CEP112: variants seen among roughly 807,000 people sequenced by gnomAD.
CEP112 encodes the protein centrosomal protein of 112 kDa.
A neutral mutation model predicts 153.0 loss-of-function variants in CEP112; 127 were observed. The ratio of observed to expected loss-of-function variants is 0.83; its 90% CI spans 0.72 to 0.96. The LOEUF is 0.96. Ranked by LOEUF, CEP112 falls within the 40% of genes least tolerant of loss-of-function variation. The pLI is 0.00. For synonymous variants in CEP112, 358 were observed against 374.4 expected, an observed-to-expected ratio of 0.96 and a Z score of 0.51; for missense variants, 1,089 against 1,101.2, an observed-to-expected ratio of 0.99 and a Z score of 0.16.
At chr17:65,989,324 G>A (rs890966849) in intron 17 of CEP112, among the ~76,000 whole-genome samples, 2 of 151,640 alleles carry the variant, frequency 1.3e-5, no homozygotes, top group Non-Finnish European at 2.9e-5. Context: ...TAAACATTGG[G>A]CACTCAAAGG....
intron 17 of CEP112, among the ~76,000 whole-genome samples, chr17:65,962,906 A>C (rs2062265233): frequency 6.6e-6 from 1 of 152,234 alleles, no homozygotes; most frequent in Admixed American, 6.5e-5. Flanking sequence ...GAAAATTGCC[A>C]AGTCTCCAGT....
At chr17:66,174,527 A>G (rs1007702904) in intron 4 of CEP112, among the ~76,000 whole-genome samples, 8 of 152,330 alleles carry the variant, frequency 5.3e-5, no homozygotes, top group African/African-American at 1.9e-4. Flanking sequence ...AAAATTTGAT[A>G]AAAGTCCAAA....
chr17:66,174,895 G>T, intron 4 of CEP112, 149 bp downstream of exon 4: 1 of 467,402 alleles, frequency 2.1e-6, no homozygotes, highest in Non-Finnish European at 3.5e-6. Context: ...CTATTAAATG[G>T]CTAAAAATAT....
At chr17:66,032,173 G>A (rs1316157269) in intron 12 of CEP112, among the ~76,000 whole-genome samples, 3 of 151,932 alleles carry the variant, frequency 2.0e-5, no homozygotes, top group African/African-American at 7.3e-5. Flanking sequence ...GCTAGTTTTT[G>A]TAATTTTAGT....
rs867971518 is a variant in CEP112 at position 65,932,482 on chromosome 17, T to G, written c.1873-4793A>C. Reference sequence around the variant, plus strand: ...ATATTCCTTCTAAGAAGATCACGGATGTATTAGTTTGTTCTTGCATTGCTA... The same window carrying G: ...ATATTCCTTCTAAGAAGATCACGGAGGTATTAGTTTGTTCTTGCATTGCTA... On this transcript the variant is annotated intron_variant, in intron 18 of 26. Coordinates refer to ENST00000535342, the MANE Select transcript of CEP112 (RefSeq NM_001199165.4). Among the ~76,000 whole-genome samples the G allele has an allele frequency of 2.6e-5, 4 of 152,104 alleles. No individual in the cohort carries two copies. The South Asian group carries it at 8.3e-4, about 32-fold the overall frequency.
At chr17:65,813,367 A>G (rs1161565180) in intron 21 of CEP112, among the ~76,000 whole-genome samples, 1 of 152,202 alleles carries the variant, frequency 6.6e-6, no homozygotes, top group African/African-American at 2.4e-5. Flanking sequence ...GGAATTAGGA[A>G]CCCAATCAGA....
intron 21 of CEP112, among the ~76,000 whole-genome samples, chr17:65,781,571 G>A (rs898249648): frequency 2.0e-5 from 3 of 151,876 alleles, no homozygotes; most frequent in African/African-American, 7.3e-5. Context: ...AAAGAACAAT[G>A]CTGGAGGGAT....
intron 12 of CEP112, among the ~76,000 whole-genome samples, chr17:66,037,132 A>C (rs184870548): frequency 1.3e-5 from 2 of 152,338 alleles, no homozygotes; most frequent in East Asian, 3.9e-4. Context: ...CAGTAGAAAT[A>C]ATCTGTTACC....
chr17:66,053,937 ATTCAGCGG>A lies in CEP112; in HGVS notation c.1075-66_1075-59del. The A allele has an allele frequency of 1.2e-5, 18 of 1,458,364 alleles. No individual in the cohort carries two copies. The Admixed American group carries it at 1.4e-4, about 11-fold the overall frequency. The allele number at this position is 1,458,364 out of a possible 1,614,324, so 90.3% of individuals were successfully genotyped here. ...CTACTATGGAATTGACTATTTTGTA[ATTCAGCGG>A]AAAAAATGGTTTCTATATTCCTCTA... is the stretch of plus-strand genomic sequence containing the variant. On this transcript the variant is annotated intron_variant, in intron 11 of 26. Coordinates refer to ENST00000535342, the MANE Select transcript of CEP112 (RefSeq NM_001199165.4).
chr17:65,830,919 C>G (rs1255572611), intron 21 of CEP112, among the ~76,000 whole-genome samples: 2 of 152,172 alleles, frequency 1.3e-5, no homozygotes, highest in Non-Finnish European at 2.9e-5. Context: ...CTGGAGTCAA[C>G]TATAAATCTT....
chr17:65,638,936 G>A (rs778717405), intron 25 of CEP112, among the ~76,000 whole-genome samples: 1 of 151,926 alleles, frequency 6.6e-6, no homozygotes, highest in Non-Finnish European at 1.5e-5. Context: ...CTCTGAAGGC[G>A]TCAGGTCCTA....
At chr17:66,038,961 T>A (rs1270670920) in intron 12 of CEP112, among the ~76,000 whole-genome samples, 1 of 152,056 alleles carries the variant, frequency 6.6e-6, no homozygotes, top group East Asian at 1.9e-4. Flanking sequence ...AGGACTCAAT[T>A]GGTAGCTGTG....
At chr17:65,939,667 G>T (rs1316946877) in intron 18 of CEP112, among the ~76,000 whole-genome samples, 2 of 152,154 alleles carry the variant, frequency 1.3e-5, no homozygotes, top group Non-Finnish European at 2.9e-5. Flanking sequence ...AAATGGTACT[G>T]AGAAAAGTGG....
rs571866798 is a variant in CEP112 at position 65,697,236 on chromosome 17, G to A, written c.2608-8018C>T. On this transcript the variant is annotated intron_variant, in intron 23 of 26. Transcript: ENST00000535342. ...TGGCTGCTTGGTCCTTCAGACAGAC[G>A]TGATGCCTGAGCTGTGACTACAGTG... Among the ~76,000 whole-genome samples the A allele has an allele frequency of 3.7e-3, 559 of 152,240 alleles. 1 individual carries two copies. The highest frequency in any genetic ancestry group is 6.5e-3 in the Non-Finnish European group (444 of 68,022).
intron 17 of CEP112, among the ~76,000 whole-genome samples, chr17:65,993,824 T>C (rs1598040688): frequency 6.6e-6 from 1 of 152,070 alleles, no homozygotes; most frequent in Admixed American, 6.6e-5. Context: ...CTCTTGAAGG[T>C]GGGGCAGTGA....
intron 4 of CEP112, among the ~76,000 whole-genome samples, chr17:66,163,514 A>T (rs2071801722): frequency 6.6e-6 from 1 of 152,104 alleles, no homozygotes; most frequent in East Asian, 1.9e-4. Flanking sequence ...AACTTCCAAA[A>T]ATCCACAACA....
At chr17:66,031,482 T>G (rs868122207) in intron 12 of CEP112, among the ~76,000 whole-genome samples, 929 of 24,236 alleles carry the variant, frequency 0.038, 15 homozygotes, top group African/African-American at 0.073. Flanking sequence ...TGTTTTTTTT[T>G]TTTGTTTTTT....
chr17:66,115,873 C>T (rs1367756219), intron 6 of CEP112, among the ~76,000 whole-genome samples: 3 of 151,822 alleles, frequency 2.0e-5, no homozygotes, highest in South Asian at 2.1e-4. Context: ...CTAGACTGAA[C>T]CCCTGGTGTT....
At chr17:66,074,434 T>C (rs551014206) in intron 8 of CEP112, among the ~76,000 whole-genome samples, 25 of 152,224 alleles carry the variant, frequency 1.6e-4, no homozygotes, top group African/African-American at 6.0e-4. Context: ...AAAGAAATAA[T>C]GGCCAAAAAT....
Sources: allele counts gnomAD v4.1 joint callset (sites outside exome capture counted in the v4.1 genomes callset), GRCh38; gene constraint gnomAD v4.1.1; transcripts MANE v1.5; gene names NCBI Gene and HGNC (gene_info 2026-07-23, HGNC 2026-07-21).